The following ZFHX4 variants were observed in gnomAD, a reference collection of about 807,000 sequenced individuals.
ZFHX4 encodes the protein zinc finger homeobox protein 4.
In ZFHX4, 56 loss-of-function variants were observed where a neutral mutation model predicts 267.6. The observed-to-expected ratio is 0.21, with a 90% CI of 0.17 to 0.26. The LOEUF (loss-of-function observed/expected upper bound fraction) is 0.26. Among genes scored for constraint, ZFHX4 ranks in the 10% least tolerant of loss-of-function variants. ZFHX4 has a pLI of 1.00. For missense variants in ZFHX4, 4,332 were observed against 4,420.0 expected, an observed-to-expected ratio of 0.98 and a Z score of 0.56; for synonymous variants, 1,778 against 1,665.6, an observed-to-expected ratio of 1.07 and a Z score of -1.64.
At chr8:76,797,934 G>T (rs1380274191) in intron 4 of ZFHX4, among the ~76,000 whole-genome samples, 1 of 151,648 alleles carries the variant, frequency 6.6e-6, no homozygotes, top group Non-Finnish European at 1.5e-5. Flanking sequence ...GTGTCTGTGT[G>T]TATGTGTGTG....
At position 76,705,370 on chromosome 8, in the gene ZFHX4, T is replaced by C. The variant is rs1479416227; in HGVS notation, c.1282T>C (p.Ser428Pro). The change falls in exon 2 of 11, where the codon TCA becomes CCA. Residue 428 changes from serine to proline, a missense_variant. Physicochemically the swap from Ser to Pro is moderately conservative, Grantham distance 74 (BLOSUM62 -1). Transcript: ENST00000651372. ...AATTACCTCTGTCTCCCTCAGCCAC[T>C]CATCGTCTGAGTCTAGCAAGATGTC... is the stretch of plus-strand genomic sequence containing the variant. ...TPITSVSLSHSSSESSKMSES... is the reference protein window; with the variant it reads ...TPITSVSLSHPSSESSKMSES... The C allele has an allele frequency of 1.2e-6, 2 of 1,613,904 alleles. No individual in the cohort carries two copies. The highest frequency in any genetic ancestry group is 2.2e-5 in the South Asian group (2 of 91,082).
Position 76,704,439 on chromosome 8 carries a change from C to A in ZFHX4, c.351C>A (p.Ser117Arg), listed in dbSNP as rs183191105. The change falls in exon 2 of 11, where the codon AGC (serine) becomes AGA (arginine). Residue 117 changes from serine to arginine, a missense_variant. Around this residue, in one of 7 missense-constraint regions of ZFHX4, gnomAD observed 1,195 missense variants for 1,173.6 expected, o/e 1.02. Transcript: ENST00000651372. ...AGGATGACAACGAGAGCGAGATCAGCGAGTTAGAGGACAGTGACGTGGAAA... is the reference window on the plus strand; with the variant it reads ...AGGATGACAACGAGAGCGAGATCAGAGAGTTAGAGGACAGTGACGTGGAAA... Reference protein sequence around the residue: ...VLKDDNESEISELEDSDVENL... With the variant: ...VLKDDNESEIRELEDSDVENL... The A allele has an allele frequency of 2.5e-6, 4 of 1,613,828 alleles. No homozygotes were observed. Among genetic ancestry groups the A allele is most frequent in the Admixed American group, 1.7e-5 (1 of 60,002 alleles).
chr8:76,835,319 T>A (rs1812066229), intron 5 of ZFHX4, among the ~76,000 whole-genome samples: 1 of 147,870 alleles, frequency 6.8e-6, no homozygotes, highest in Non-Finnish European at 1.5e-5. Flanking sequence ...TATATTCAGA[T>A]AATTTAAAAG....
chr8:76,747,181 T>A (rs1418866954), intron 3 of ZFHX4, among the ~76,000 whole-genome samples: 1 of 152,160 alleles, frequency 6.6e-6, no homozygotes, highest in Non-Finnish European at 1.5e-5. Context: ...TTTTAGGTAT[T>A]TGGTTCTCAA....
intron 3 of ZFHX4, among the ~76,000 whole-genome samples, chr8:76,717,451 A>G (rs1242784553): frequency 1.3e-5 from 2 of 152,224 alleles, no homozygotes; most frequent in African/African-American, 4.8e-5. Context: ...AGTCACTGAC[A>G]TTGCTGCAGT....
At chr8:76,762,325 A>G (rs562491547) in intron 3 of ZFHX4, among the ~76,000 whole-genome samples, 18 of 152,322 alleles carry the variant, frequency 1.2e-4, no homozygotes, top group Admixed American at 4.6e-4. Context: ...CAACATAAAT[A>G]GTGAAGAATA....
intron 4 of ZFHX4, among the ~76,000 whole-genome samples, chr8:76,831,927 A>T (rs1811942824): frequency 6.7e-6 from 1 of 149,672 alleles, no homozygotes; most frequent in Non-Finnish European, 1.5e-5. Context: ...TTTGGAAGCT[A>T]CTTGTGGATT....
Position 76,852,637 on chromosome 8 carries a change from G to A in ZFHX4, c.5716G>A (p.Gly1906Arg), listed in dbSNP as rs907210311. The A allele has an allele frequency of 1.7e-5, 27 of 1,613,186 alleles. No individual in the cohort carries two copies. Among genetic ancestry groups the A allele is most frequent in the Non-Finnish European group, 2.1e-5 (25 of 1,179,544 alleles). ...PPPRIASGAR[G>R]NAAKALLENF... ...ACCCCGAATAGCTTCAGGGGCCAGA[G>A]GAAATGCTGCCAAAGCGTTATTGGA... The change falls in exon 10 of 11, where the codon GGA (glycine) becomes AGA (arginine). Residue 1906 changes from glycine to arginine, a missense_variant. This residue lies in a region of ZFHX4 where 1,371 missense variants were observed against 1,423.1 expected (regional missense o/e 0.96). Transcript: ENST00000651372.
rs781645813 is a variant in ZFHX4 at position 76,705,515 on chromosome 8, A to G, written c.1427A>G (p.Asp476Gly). The G allele has an allele frequency of 4.3e-6, 7 of 1,613,716 alleles. No homozygotes were observed. In the South Asian group the frequency reaches 7.7e-5, roughly 18 times the overall value. Residue 476 changes from aspartate (D) to glycine (G), a missense_variant, in exon 2 of 11, where the codon GAT (aspartate) becomes GGT (glycine). Physicochemically the swap from Asp to Gly is moderately conservative, Grantham distance 94. Around this residue, in one of 7 missense-constraint regions of ZFHX4, gnomAD observed 1,195 missense variants for 1,173.6 expected, o/e 1.02. Coordinates refer to ENST00000651372, the MANE Select transcript of ZFHX4 (RefSeq NM_024721.5). ...PTEPGDEDEE[D>G]AYSNELDDEE... ...GAACCGGGAGATGAGGATGAAGAAG[A>G]TGCGTACTCCAATGAACTTGATGAC... is the stretch of plus-strand genomic sequence containing the variant.
rs145370523 is a variant in ZFHX4, at chr8:76,731,114, A to G, written c.3093+23066A>G. Among the ~76,000 whole-genome samples, 234 of 152,244 alleles carry G rather than the reference A, an allele frequency of 1.5e-3. 1 individual carries two copies. Among genetic ancestry groups the G allele is most frequent in the African/African-American group, 4.6e-3 (193 of 41,544 alleles). On this transcript the variant is annotated intron_variant, in intron 3 of 10. Coordinates refer to ENST00000651372, the MANE Select transcript of ZFHX4 (RefSeq NM_024721.5). The stretch of plus-strand genomic sequence containing the variant: ...GACGCTACCCATCTGGGGCCCATAC[A>G]CATGGAAGACATCCAGAAAGGTGTG...
chr8:76,854,665 C>G lies in ZFHX4; in HGVS notation c.7744C>G (p.Leu2582Val). ...GGTTGCTGCTTCCCTAAAAAGGAAA[C>G]TAGACGATAAAGAAGATAATAATTG... ...TTVAASLKRK[L>V]DDKEDNNCSE... Residue 2582 changes from leucine (L) to valine (V), a missense_variant, in exon 10 of 11, where the codon CTA (leucine) becomes GTA (valine). Physicochemically the swap from Leu to Val is conservative, Grantham distance 32. Around this residue, in one of 7 missense-constraint regions of ZFHX4, gnomAD observed 1,648 missense variants for 1,625.0 expected, o/e 1.01. Transcript: ENST00000651372. The G allele has an allele frequency of 6.2e-7, 1 of 1,613,614 alleles. No homozygotes were observed.
In ZFHX4 at chr8:76,856,088, G is replaced by A. The variant is rs1191513488; in HGVS notation, c.9167G>A (p.Arg3056Gln). The change falls in exon 10 of 11, where the codon CGG becomes CAG. Residue 3056 changes from arginine to glutamine, a missense_variant. By Grantham distance (43) the Arg-to-Gln change is conservative (BLOSUM62 1). Coordinates refer to ENST00000651372, the MANE Select transcript of ZFHX4 (RefSeq NM_024721.5). The part of the protein sequence containing the change: ...EKDYLAPTTV[R>Q]QLMAQQELDR... Reference sequence around the variant, plus strand: ...GATTACTTGGCTCCGACCACGGTTCGGCAGCTGATGGCACAGCAAGAACTT... The same window carrying A: ...GATTACTTGGCTCCGACCACGGTTCAGCAGCTGATGGCACAGCAAGAACTT... 3.1e-6 allele frequency: 5 copies of A among 1,613,806 alleles called. No homozygotes were observed. Among genetic ancestry groups the A allele is most frequent in the East Asian group, 2.2e-5 (1 of 44,880 alleles).
At chr8:76,845,500 A>G (rs1159233903) in intron 6 of ZFHX4, among the ~76,000 whole-genome samples, 1 of 152,042 alleles carries the variant, frequency 6.6e-6, no homozygotes. Context: ...CATTAGAAAG[A>G]ATACTGTACT....
intron 10 of ZFHX4, among the ~76,000 whole-genome samples, chr8:76,856,733 T>C (rs949441596): frequency 1.3e-4 from 20 of 152,072 alleles, no homozygotes; most frequent in African/African-American, 4.6e-4. Context: ...GGTGGTGGTG[T>C]TTTTGTTTGT....
intron 3 of ZFHX4, among the ~76,000 whole-genome samples, chr8:76,777,224 GA>G (rs1316173572): frequency 6.6e-5 from 10 of 152,076 alleles, no homozygotes; most frequent in African/African-American, 2.4e-4. Flanking sequence ...TAAAATGGGG[GA>G]AAAGTTTTTT....
intron 3 of ZFHX4, among the ~76,000 whole-genome samples, chr8:76,715,186 A>C (rs1755999596): frequency 1.3e-5 from 2 of 152,174 alleles, no homozygotes; most frequent in Non-Finnish European, 2.9e-5. Flanking sequence ...AATATGAAGA[A>C]GAAAACCACA....
rs762640088 is a variant in ZFHX4, at chr8:76,705,915, G to C, written c.1827G>C (p.Pro609=). The part of the protein sequence containing the change: ...GTPGPGGDGS[P]GSGIECPKCD... ...CAGGGCCTGGAGGAGACGGCTCACCGGGCAGTGGCATCGAGTGTCCAAAGT... is the reference window on the plus strand; with the variant it reads ...CAGGGCCTGGAGGAGACGGCTCACCCGGCAGTGGCATCGAGTGTCCAAAGT... Residue 609 remains proline, a synonymous_variant, in exon 2 of 11, where the codon CCG becomes CCC. Coordinates refer to ENST00000651372, the MANE Select transcript of ZFHX4 (RefSeq NM_024721.5). The C allele has an allele frequency of 3.7e-6, 6 of 1,613,724 alleles. No individual in the cohort carries two copies. Among genetic ancestry groups the C allele is most frequent in the East Asian group, 2.2e-5 (1 of 44,834 alleles).
intron 3 of ZFHX4, among the ~76,000 whole-genome samples, chr8:76,741,318 A>G (rs1809309769): frequency 6.6e-6 from 1 of 152,228 alleles, no homozygotes; most frequent in Admixed American, 6.5e-5. Flanking sequence ...CTATGTGTTT[A>G]AATTCTGTGA....
rs1810547126 is a variant in ZFHX4, at chr8:76,781,542, T to TTTG, written c.3325+3103_3325+3104insTTG. On this transcript the variant is annotated intron_variant, in intron 4 of 10. Coordinates refer to ENST00000651372, the MANE Select transcript of ZFHX4 (RefSeq NM_024721.5). ...AGCCTGGTTCTTAAACTGGGTTTCT[T>TTTG]AACTTTTCATTTGATTTTGTTGGCA... Among the ~76,000 whole-genome samples, 3 of 152,214 alleles carry TTTG rather than the reference T, an allele frequency of 2.0e-5. No homozygotes were observed. The East Asian group carries it at 5.8e-4, about 29-fold the overall frequency.
Sources: gnomAD v4.1 joint callset for allele counts (sites outside exome capture counted in the v4.1 genomes callset) on GRCh38, gnomAD v4.1.1 for gene constraint, gnomAD v4.1.1 regional missense constraint, MANE v1.5 for transcripts, NCBI Gene and HGNC (gene_info 2026-07-23, HGNC 2026-07-21) for gene names.